Variants in CAMKMT observed in about 807,000 individuals in gnomAD.
CAMKMT encodes calmodulin-lysine N-methyltransferase.
CAMKMT carries 53 observed loss-of-function variants against 48.0 expected under a neutral mutation model. The ratio of observed to expected loss-of-function variants is 1.10; its 90% confidence interval spans 0.89 to 1.39. CAMKMT has a LOEUF of 1.39. CAMKMT is among the 40% of genes most tolerant of loss of function. CAMKMT has a pLI of 0.00. For synonymous variants in CAMKMT, 165 were observed against 152.3 expected, an observed-to-expected ratio of 1.08 and a Z score of -0.61; for missense variants, 428 against 402.7, an observed-to-expected ratio of 1.06 and a Z score of -0.54.
At chr2:44,600,660 A>G (rs144023711) in intron 3 of CAMKMT, among the ~76,000 whole-genome samples, 1 of 152,234 alleles carries the variant, frequency 6.6e-6, no homozygotes, top group Non-Finnish European at 1.5e-5. Context: ...TTCAGTTAAC[A>G]TATACAGATA....
intron 3 of CAMKMT, among the ~76,000 whole-genome samples, chr2:44,578,498 A>G: frequency 6.6e-6 from 1 of 151,968 alleles, no homozygotes; most frequent in Non-Finnish European, 1.5e-5. Flanking sequence ...TGTGTTACTG[A>G]GGTATTTTTA....
intron 3 of CAMKMT, among the ~76,000 whole-genome samples, chr2:44,604,534 A>G (rs933618784): frequency 3.3e-5 from 5 of 151,260 alleles, no homozygotes; most frequent in Non-Finnish European, 7.4e-5. Context: ...TGTGGGTATA[A>G]GCAAACCTAT....
Position 44,372,711 on chromosome 2 carries a change from C to A in CAMKMT, c.139-5C>A. 1 of 1,606,912 alleles carries A rather than the reference C, an allele frequency of 6.2e-7. No homozygotes were observed. The highest frequency in any genetic ancestry group is 1.1e-5 in the South Asian group (1 of 90,198). ...ATGACTGCAATATTTGGCTTTATTT[C>A]AAAGGTTCTGAAGCAAAAACACCTG... On this transcript the variant is annotated splice_polypyrimidine_tract_variant and splice_region_variant and intron_variant, in intron 1 of 10. Coordinates refer to ENST00000378494, the MANE Select transcript of CAMKMT (RefSeq NM_024766.5).
chr2:44,733,805 T>C (rs1055594974), intron 7 of CAMKMT, among the ~76,000 whole-genome samples: 1 of 152,194 alleles, frequency 6.6e-6, no homozygotes, highest in African/African-American at 2.4e-5. Context: ...TTGATCATGA[T>C]GCATTGCCAT....
intron 3 of CAMKMT, among the ~76,000 whole-genome samples, chr2:44,526,035 T>C (rs1248396194): frequency 6.6e-6 from 1 of 152,076 alleles, no homozygotes; most frequent in Non-Finnish European, 1.5e-5. Flanking sequence ...GTGGCACATA[T>C]ACACCATGGA....
chr2:44,632,771 A>G (rs1202422307), intron 3 of CAMKMT, among the ~76,000 whole-genome samples: 4 of 152,132 alleles, frequency 2.6e-5, no homozygotes, highest in African/African-American at 9.7e-5. Flanking sequence ...GCTAGAATAT[A>G]AGGCAGGCAG....
chr2:44,521,180 C>G (rs943369891), intron 3 of CAMKMT, among the ~76,000 whole-genome samples: 1 of 152,246 alleles, frequency 6.6e-6, no homozygotes, highest in South Asian at 2.1e-4. Context: ...TATGGATTTA[C>G]GTTTATTAGA....
intron 3 of CAMKMT, among the ~76,000 whole-genome samples, chr2:44,668,471 TC>T (rs1291807712): frequency 1.3e-5 from 2 of 152,190 alleles, no homozygotes; most frequent in African/African-American, 4.8e-5. Context: ...GCAGTATCAC[TC>T]GTCTTCAGAA....
intron 3 of CAMKMT, among the ~76,000 whole-genome samples, chr2:44,539,217 A>G (rs1055516872): frequency 6.7e-6 from 1 of 149,676 alleles, no homozygotes; most frequent in Admixed American, 6.8e-5. Context: ...AGGCCAGAGA[A>G]TCACTTGAAC....
chr2:44,734,440 G>A (rs918284504), intron 7 of CAMKMT, among the ~76,000 whole-genome samples: 1 of 151,246 alleles, frequency 6.6e-6, no homozygotes, highest in Non-Finnish European at 1.5e-5. Context: ...TTTGAGACAG[G>A]TTCTCGCTGT....
intron 2 of CAMKMT, among the ~76,000 whole-genome samples, chr2:44,379,320 CA>C (rs1680009823): frequency 6.6e-6 from 1 of 152,102 alleles, no homozygotes; most frequent in Middle Eastern, 3.2e-3. Flanking sequence ...AGTTGATGAA[CA>C]TTTGGATTGT....
intron 3 of CAMKMT, among the ~76,000 whole-genome samples, chr2:44,510,847 C>CT (rs758652962): frequency 3.5e-4 from 51 of 147,084 alleles, no homozygotes; most frequent in Middle Eastern, 3.5e-3. Flanking sequence ...CATTATATCA[C>CT]TTTTTTTTTT....
intron 3 of CAMKMT, among the ~76,000 whole-genome samples, chr2:44,472,758 G>T (rs758396072): frequency 6.6e-6 from 1 of 152,140 alleles, no homozygotes; most frequent in Non-Finnish European, 1.5e-5. Context: ...GTTTTGAACA[G>T]AATTCTATTC....
chr2:44,557,128 T>C (rs1668057091), intron 3 of CAMKMT, among the ~76,000 whole-genome samples: 1 of 152,240 alleles, frequency 6.6e-6, no homozygotes, highest in South Asian at 2.1e-4. Flanking sequence ...TCATTAATGA[T>C]AATGTGGTTT....
chr2:44,579,943 C>T (rs1452045341), intron 3 of CAMKMT, among the ~76,000 whole-genome samples: 1 of 152,148 alleles, frequency 6.6e-6, no homozygotes, highest in African/African-American at 2.4e-5. Flanking sequence ...TCCCAGTTTT[C>T]TATATGAGCA....
At chr2:44,600,999 T>C (rs1403025492) in intron 3 of CAMKMT, among the ~76,000 whole-genome samples, 1 of 152,120 alleles carries the variant, frequency 6.6e-6, no homozygotes, top group Non-Finnish European at 1.5e-5. Flanking sequence ...GTTTCTGTCA[T>C]ATCCTAAATT....
intron 9 of CAMKMT, among the ~76,000 whole-genome samples, chr2:44,758,552 A>G (rs372139360): frequency 2.2e-3 from 328 of 152,340 alleles, no homozygotes; most frequent in African/African-American, 7.4e-3. Flanking sequence ...ATAACACTAC[A>G]AGGGACTCTC....
Position 44,705,300 on chromosome 2 carries a change from T to G in CAMKMT, c.437+957T>G, listed in dbSNP as rs535334701. The G allele has an allele frequency of 5.6e-5, 55 of 978,124 alleles. No individual in the cohort carries two copies. In the African/African-American group the frequency reaches 8.9e-4, roughly 16 times the overall value. The allele number at this position is 978,124 out of a possible 1,614,324, so 60.6% of individuals were successfully genotyped here. On this transcript the variant is annotated intron_variant, in intron 4 of 10. Coordinates refer to ENST00000378494, the MANE Select transcript of CAMKMT (RefSeq NM_024766.5). Reference sequence around the variant, plus strand: ...ACCTCTCCCTCTCTTTTAATTTTGCTTTTTTTCTCCTCTTGAGGTAATAAA... The same window carrying G: ...ACCTCTCCCTCTCTTTTAATTTTGCGTTTTTTCTCCTCTTGAGGTAATAAA...
chr2:44,496,279 A>G (rs1669747681), intron 3 of CAMKMT, among the ~76,000 whole-genome samples: 1 of 152,194 alleles, frequency 6.6e-6, no homozygotes, highest in Admixed American at 6.5e-5. Context: ...AAGCATATTC[A>G]GCGTCATATT....
Sources: gnomAD v4.1 joint callset for allele counts (sites outside exome capture counted in the v4.1 genomes callset) on GRCh38, gnomAD v4.1.1 for gene constraint, MANE v1.5 for transcripts, NCBI Gene and HGNC (gene_info 2026-07-23, HGNC 2026-07-21) for gene names.